PTPRH: variants seen among roughly 807,000 people sequenced by gnomAD.
The protein encoded by PTPRH is receptor-type tyrosine-protein phosphatase H.
A neutral mutation model predicts 130.2 loss-of-function variants in PTPRH; 113 were observed. The ratio of observed to expected loss-of-function variants is 0.87; its 90% CI spans 0.75 to 1.01. The LOEUF (loss-of-function observed/expected upper bound fraction) is 1.01. PTPRH is among the 50% of genes least tolerant of loss of function. The pLI is 0.00. For synonymous variants in PTPRH, 556 were observed against 577.9 expected (o/e 0.96, Z 0.54); for missense variants, 1,430 against 1,425.0 (o/e 1.00, Z -0.06).
chr19:55,182,016 C>T lies in PTPRH; in HGVS notation c.3198G>A (p.Glu1066=), dbSNP rs780040907. The T allele has an allele frequency of 8.1e-6, 13 of 1,614,018 alleles. No individual in the cohort carries two copies. The highest frequency in any genetic ancestry group is 1.7e-5 in the Admixed American group (1 of 59,994). The change falls in exon 19 of 20, where the codon GAG becomes GAA. Residue 1066 remains glutamate (E), a splice_region_variant and synonymous_variant. Coordinates refer to ENST00000376350, the MANE Select transcript of PTPRH (RefSeq NM_002842.5). Reference sequence around the variant, plus strand: ...CTGTGTTGCTGAGGGACTGCCTCACCTCAGTCTGCACCATCAACGGCCGAC... The same window carrying T: ...CTGTGTTGCTGAGGGACTGCCTCACTTCAGTCTGCACCATCAACGGCCGAC... ...RESRPLMVQT[E]AQYVFLHQCI...
At chr19:55,185,785 G>T (rs1463453679) in intron 17 of PTPRH, 77 bp downstream of exon 17, 1 of 1,606,926 alleles carries the variant, frequency 6.2e-7, no homozygotes, top group African/African-American at 1.3e-5. Context: ...GAAGGTTGGA[G>T]TTGGTGGAGG....
intron 2 of PTPRH, 36 bp downstream of exon 2, chr19:55,207,130 T>A: frequency 6.2e-7 from 1 of 1,611,570 alleles, no homozygotes; most frequent in Non-Finnish European, 8.5e-7. Context: ...TCCCACCTCT[T>A]CGAGTGGGCA....
Position 55,205,313 on chromosome 19 carries a change from G to T in PTPRH, c.619+13C>A. 3 of 1,613,846 alleles carry T rather than the reference G, an allele frequency of 1.9e-6. No homozygotes were observed. The highest frequency in any genetic ancestry group is 2.5e-6 in the Non-Finnish European group (3 of 1,179,788). On this transcript the variant is annotated intron_variant, in intron 4 of 19. Transcript: ENST00000376350. Reference sequence around the variant, plus strand: ...AACAAGTAAGAGCAAAACAAATGGCGACTGCCTCTCACCTGTGGTGGCATT... The same window carrying T: ...AACAAGTAAGAGCAAAACAAATGGCTACTGCCTCTCACCTGTGGTGGCATT...
intron 14 of PTPRH, among the ~76,000 whole-genome samples, chr19:55,186,950 C>A (rs945942827): frequency 1.3e-5 from 2 of 151,044 alleles, no homozygotes; most frequent in African/African-American, 2.4e-5. Flanking sequence ...GAGGCTGAGG[C>A]GGGAGGATTG....
intron 12 of PTPRH, chr19:55,189,820 T>C: frequency 6.8e-6 from 3 of 438,720 alleles, no homozygotes; most frequent in Non-Finnish European, 1.4e-5. Context: ...CCCCCCGACC[T>C]CCATCTCTAC....
chr19:55,202,457 G>C, intron 5 of PTPRH, 135 bp from the exon 6 acceptor site: 1 of 1,351,556 alleles, frequency 7.4e-7, no homozygotes, highest in African/African-American at 1.5e-5. Context: ...GCAGCCACGA[G>C]TTCCACGTGA....
rs2147490862 is a variant in PTPRH at position 55,196,450 on chromosome 19, C to T, written c.2257+72G>A. The T allele has an allele frequency of 7.4e-6, 11 of 1,493,788 alleles. No individual in the cohort carries two copies. The South Asian group carries it at 1.3e-4, about 18-fold the overall frequency. 92.5% of individuals were successfully genotyped at this position (1,493,788 alleles called of 1,614,324 possible). On this transcript the variant is annotated intron_variant, in intron 10 of 19. Coordinates refer to ENST00000376350, the MANE Select transcript of PTPRH (RefSeq NM_002842.5). ...AGAAACAAAAGAGTCCCACTGATTT[C>T]CTCACAATGGGGCCTGATGGGGTCT...
chr19:55,207,179 C>A lies in PTPRH; in HGVS notation c.72G>T (p.Gly24=), dbSNP rs1419547559. Residue 24 remains glycine (G), a synonymous_variant, in exon 2 of 20, where the codon GGG becomes GGT. Transcript: ENST00000376350. ...GGGGTCACTCACCAGGCGCCCTGGCCCCTGTCCAGCTGCACAGGCCCTGGA... is the reference window on the plus strand; with the variant it reads ...GGGGTCACTCACCAGGCGCCCTGGCACCTGTCCAGCTGCACAGGCCCTGGA... The part of the protein sequence containing the change: ...LVLLGLCSWT[G]ARAPAPNPGR... 1 of 1,613,412 alleles carries A rather than the reference C, an allele frequency of 6.2e-7. No individual in the cohort carries two copies. Among genetic ancestry groups the A allele is most frequent in the African/African-American group, 1.3e-5 (1 of 75,036 alleles).
rs753483336 is a variant in PTPRH, at chr19:55,198,750, G to T, written c.1583C>A (p.Thr528Asn). Residue 528 changes from threonine to asparagine, a missense_variant, in exon 8 of 20, where the codon ACT (threonine) becomes AAT (asparagine). By Grantham distance (65) the Thr-to-Asn change is moderately conservative. Coordinates refer to ENST00000376350, the MANE Select transcript of PTPRH (RefSeq NM_002842.5). ...TTCCAGTTCCTTTAGGGTGATGTCA[G>T]TACCTGAGGTGCTTTGGGTCCTGGG... Reference protein sequence around the residue: ...TDPRTQSTSGTDITLKELEAG... With the variant: ...TDPRTQSTSGNDITLKELEAG... 1.2e-6 allele frequency: 2 copies of T among 1,614,154 alleles called. No individual in the cohort carries two copies. Among genetic ancestry groups the T allele is most frequent in the South Asian group, 2.2e-5 (2 of 91,080 alleles).
At chr19:55,191,854 C>T in intron 10 of PTPRH, 113 bp from the exon 11 acceptor site, 1 of 906,052 alleles carries the variant, frequency 1.1e-6, no homozygotes. Flanking sequence ...AGACAGCTGA[C>T]CCCCGAACAT....
chr19:55,198,930 G>A lies in PTPRH; in HGVS notation c.1421-18C>T, dbSNP rs781056633. The A allele has an allele frequency of 1.3e-6, 2 of 1,496,748 alleles. No individual in the cohort carries two copies. Among genetic ancestry groups the A allele is most frequent in the Non-Finnish European group, 8.9e-7 (1 of 1,120,352 alleles). The allele number at this position is 1,496,748 out of a possible 1,614,324, so 92.7% of individuals were successfully genotyped here. Reference sequence around the variant, plus strand: ...GTTGGGGACTGGGAGAGGGAGCAGAGTCAGGATTTCCACATCCCCTAGTCC... The same window carrying A: ...GTTGGGGACTGGGAGAGGGAGCAGAATCAGGATTTCCACATCCCCTAGTCC... On this transcript the variant is annotated intron_variant, in intron 7 of 19. Coordinates refer to ENST00000376350, the MANE Select transcript of PTPRH (RefSeq NM_002842.5).
chr19:55,194,653 C>T (rs1223359247), intron 10 of PTPRH, among the ~76,000 whole-genome samples: 1 of 152,098 alleles, frequency 6.6e-6, no homozygotes, highest in African/African-American at 2.4e-5. Context: ...TTTTCAGGTA[C>T]CCCATTGATT....
rs2087082268 is a variant in PTPRH, at chr19:55,206,907, G to T, written c.134C>A (p.Ser45Tyr). ...NLTVETQTTS[S>Y]ISLSWEVPDG... ...GGGGACCTCCCAGCTCAGGGAGATG[G>T]AGCTGGTGGTCTGAGTCTCCACTGT... The change falls in exon 3 of 20, where the codon TCC (serine) becomes TAC (tyrosine). Residue 45 changes from serine (S) to tyrosine (Y), a missense_variant. Physicochemically the swap from Ser to Tyr is moderately radical, Grantham distance 144 (BLOSUM62 -2). Coordinates refer to ENST00000376350, the MANE Select transcript of PTPRH (RefSeq NM_002842.5). 6.8e-6 allele frequency: 11 copies of T among 1,612,180 alleles called. No homozygotes were observed. Among genetic ancestry groups the T allele is most frequent in the Non-Finnish European group, 8.5e-6 (10 of 1,178,624 alleles).
Position 55,196,737 on chromosome 19 carries a change from C to G in PTPRH, c.2042G>C (p.Gly681Ala), listed in dbSNP as rs1308079821. The change falls in exon 10 of 20, where the codon GGA (glycine) becomes GCA (alanine). Residue 681 changes from glycine to alanine, a missense_variant. Coordinates refer to ENST00000376350, the MANE Select transcript of PTPRH (RefSeq NM_002842.5). ...GGGGCAGGACCAGATCAAGTTGACTCCATAGCCCGCTGAGGTGCTGACACA... is the reference window on the plus strand; with the variant it reads ...GGGGCAGGACCAGATCAAGTTGACTGCATAGCCCGCTGAGGTGCTGACACA... ...TSCVSTSAGY[G>A]VNLIWSCPQG... is the part of the protein sequence containing the mutation. 1 of 1,614,136 alleles carries G rather than the reference C, an allele frequency of 6.2e-7. No homozygotes were observed. Among genetic ancestry groups the G allele is most frequent in the South Asian group, 1.1e-5 (1 of 91,078 alleles).
Position 55,182,084 on chromosome 19 carries a change from C to A in PTPRH, c.3130G>T (p.Gly1044Cys). ...ACAAAGCTGAAGGGCCCAAGGAGAC[C>A]CTCGGACTGCAGCTGCCGGAGCAGG... Reference protein sequence around the residue: ...DVLLRQLQSEGLLGPFSFVRK... With the variant: ...DVLLRQLQSECLLGPFSFVRK... The change falls in exon 19 of 20, where the codon GGT (glycine) becomes TGT (cysteine). Residue 1044 changes from glycine (G) to cysteine (C), a missense_variant. Transcript: ENST00000376350. 2 of 1,614,146 alleles carry A rather than the reference C, an allele frequency of 1.2e-6. No individual in the cohort carries two copies. The highest frequency in any genetic ancestry group is 1.7e-6 in the Non-Finnish European group (2 of 1,180,032).
chr19:55,191,983 C>T (rs1285475020), intron 10 of PTPRH: 1 of 651,342 alleles, frequency 1.5e-6, no homozygotes, highest in Non-Finnish European at 2.8e-6. Context: ...TCCGCCTACT[C>T]AACGCGAAGA....
Position 55,197,433 on chromosome 19 carries a change from G to C in PTPRH, c.1691-17C>G. 6.2e-7 allele frequency: 1 copy of C among 1,606,284 alleles called. No homozygotes were observed. On this transcript the variant is annotated splice_polypyrimidine_tract_variant and intron_variant, in intron 8 of 19. Transcript: ENST00000376350. ...CATTGGGAGCTGAGAAGTGAGAACA[G>C]AGGCCTAAGGGGGTATCCTCGAAGA...
chr19:55,193,978 A>G, intron 10 of PTPRH: 2 of 356,310 alleles, frequency 5.6e-6, no homozygotes, highest in South Asian at 4.3e-5. Context: ...CCTCCTGAGT[A>G]GTTGGGATGA....
Position 55,188,267 on chromosome 19 carries a change from C to T in PTPRH, c.2385-99G>A, listed in dbSNP as rs2086424883. On this transcript the variant is annotated intron_variant, in intron 12 of 19. Transcript: ENST00000376350. Reference sequence around the variant, plus strand: ...GTGGCTCACGCCTGTAATCCCAGCACTTTGGGAGGCCGAGGCGGGTGGATC... The same window carrying T: ...GTGGCTCACGCCTGTAATCCCAGCATTTTGGGAGGCCGAGGCGGGTGGATC... 4 of 948,320 alleles carry T rather than the reference C, an allele frequency of 4.2e-6. No individual in the cohort carries two copies. The Admixed American group carries it at 7.1e-5, about 17-fold the overall frequency. 58.7% of individuals were successfully genotyped at this position (948,320 alleles called of 1,614,324 possible). A position where few individuals can be genotyped will look rare whatever the true frequency, so the allele number is the denominator to read the frequency against.
Sources: gnomAD v4.1 joint callset for allele counts (sites outside exome capture counted in the v4.1 genomes callset) on GRCh38, gnomAD v4.1.1 for gene constraint, MANE v1.5 for transcripts, NCBI Gene and HGNC (gene_info 2026-07-23, HGNC 2026-07-21) for gene names.